Variants in NUTM2D observed in about 807,000 individuals in gnomAD.
The protein encoded by NUTM2D is NUT family member 2A pseudogene.
Under a neutral mutation model 43.5 loss-of-function variants are expected in NUTM2D, and 2 were observed. The ratio of observed to expected loss-of-function variants is 0.05; its 90% CI spans 0.02 to 0.14. The LOEUF (loss-of-function observed/expected upper bound fraction) is 0.14, where lower values mean the gene tolerates loss of function less well. Ranked by LOEUF, NUTM2D falls within the 10% of genes least tolerant of loss-of-function variation. NUTM2D has a pLI of 1.00. For synonymous variants in NUTM2D, 24 were observed against 276.6 expected, an observed-to-expected ratio of 0.09 and a Z score of 9.06; for missense variants, 48 against 668.7, an observed-to-expected ratio of 0.07 and a Z score of 10.24.
downstream of NUTM2D, chr10:87,370,540 T>G (rs1346717109): frequency 6.6e-6 from 1 of 152,210 alleles, no homozygotes; most frequent in African/African-American, 2.4e-5. Context: ...CATTTGTGTT[T>G]CTCTGATGTT....
intron 1 of NUTM2D, among the ~76,000 whole-genome samples, chr10:87,358,824 G>A (rs758200393): frequency 0.069 from 843 of 12,142 alleles, 7 homozygotes; most frequent in East Asian, 0.44. Flanking sequence ...CCTGGAAGGT[G>A]CCCTTCCATA....
At chr10:87,367,292 G>A, downstream of NUTM2D, 7 of 1,606,618 alleles carry the variant, frequency 4.4e-6, 1 homozygote, top group Non-Finnish European at 4.3e-6. Context: ...CCAGGCTCTG[G>A]GAACCCACAG....
chr10:87,369,225 T>G (rs1850331049), downstream of NUTM2D: 1 of 140,106 alleles, frequency 7.1e-6, no homozygotes, highest in South Asian at 2.5e-4. Flanking sequence ...TATTCAGGGT[T>G]AGAAGAGACC....
chr10:87,367,276 C>T (rs928421257), downstream of NUTM2D: 6 of 1,588,286 alleles, frequency 3.8e-6, no homozygotes, highest in South Asian at 3.3e-5. Context: ...GAGGAACTGG[C>T]AGATGCCAGG....
downstream of NUTM2D, chr10:87,367,352 C>A (rs761880369): frequency 1.2e-6 from 2 of 1,608,356 alleles, no homozygotes; most frequent in Non-Finnish European, 1.7e-6. Flanking sequence ...TTCAGATGCT[C>A]CAGGGACTGA....
downstream of NUTM2D, chr10:87,369,342 C>T (rs1209130522): frequency 2.0e-5 from 3 of 152,092 alleles, no homozygotes. Flanking sequence ...CGGCCATCTG[C>T]AAGCCAGAGA....
intron 1 of NUTM2D, among the ~76,000 whole-genome samples, chr10:87,358,644 C>G (rs1589331374): frequency 1.4e-5 from 2 of 142,494 alleles, no homozygotes; most frequent in Non-Finnish European, 3.0e-5. Context: ...GAACAAGATG[C>G]CTGGGGGAAT....
chr10:87,367,267 A>G (rs1388963694), downstream of NUTM2D: 1 of 1,564,200 alleles, frequency 6.4e-7, no homozygotes, highest in Non-Finnish European at 8.8e-7. Flanking sequence ...GGGAGGGCAG[A>G]GGAACTGGCA....
At chr10:87,358,461 G>C in intron 1 of NUTM2D, 30 bp downstream of exon 1, 1 of 1,613,378 alleles carries the variant, frequency 6.2e-7, no homozygotes. Context: ...GGCATTATCT[G>C]AGTCTGCCAT....
downstream of NUTM2D, chr10:87,369,710 A>C (rs1850336336): frequency 6.6e-6 from 1 of 150,652 alleles, no homozygotes; most frequent in Non-Finnish European, 1.5e-5. Flanking sequence ...TGGGGAAGCC[A>C]TGCAGCTTGC....
rs1419400684 is a variant in NUTM2D at position 87,365,664 on chromosome 10, C to G, written c.1519-25C>G. The G allele has an allele frequency of 5.4e-6, 3 of 557,240 alleles. No homozygotes were observed. The South Asian group carries it at 6.2e-5, about 12-fold the overall frequency. The allele number at this position is 557,240 out of a possible 1,614,324, so 34.5% of individuals were successfully genotyped here. A position where few individuals can be genotyped will look rare whatever the true frequency, so the allele number is the denominator to read the frequency against. ...CAGGTTACTCCCTGCCCAGGAAGCTCACGCCTTCTTCCTTCTGTTTCCAGG... is the reference window on the plus strand; with the variant it reads ...CAGGTTACTCCCTGCCCAGGAAGCTGACGCCTTCTTCCTTCTGTTTCCAGG... On this transcript the variant is annotated intron_variant, in intron 5 of 6. Coordinates refer to ENST00000381697, the MANE Select transcript of NUTM2D (RefSeq NM_001382304.1).
At position 87,358,227 on chromosome 10, in the gene NUTM2D, C is replaced by A. The variant is rs1218963425; in HGVS notation, c.-39C>A. ...GAATGTCCCCCACCCCTAACAGCTGCCCACTGCCCCTCCCCCTCTGCAGAA... is the reference window on the plus strand; with the variant it reads ...GAATGTCCCCCACCCCTAACAGCTGACCACTGCCCCTCCCCCTCTGCAGAA... On this transcript the variant is annotated 5_prime_UTR_variant, in exon 1 of 7. It introduces an in-frame stop codon into an upstream open reading frame of the 5' UTR. Coordinates refer to ENST00000381697, the MANE Select transcript of NUTM2D (RefSeq NM_001382304.1). 6.2e-7 allele frequency: 1 copy of A among 1,612,188 alleles called. No homozygotes were observed. The highest frequency in any genetic ancestry group is 1.7e-5 in the Admixed American group (1 of 60,030).
chr10:87,368,162 G>A (rs1380879826), downstream of NUTM2D: 2 of 152,094 alleles, frequency 1.3e-5, no homozygotes, highest in African/African-American at 4.8e-5. Flanking sequence ...TGCATCAGGA[G>A]AGGGACCGAG....
chr10:87,366,500 GAGGGTCTCCTGTC>G lies in NUTM2D; in HGVS notation c.2002_2014del (p.Pro669HisfsTer66), dbSNP rs1204604245. ...ACCAAGGATGCCTTGGATCTCCCTG[GAGGGTCTCCTGTC>G]AGGGAGTCACATGGGCTGGCTCAGG... On this transcript the variant is annotated frameshift_variant, in exon 7 of 7. Coordinates refer to ENST00000381697, the MANE Select transcript of NUTM2D (RefSeq NM_001382304.1). LOFTEE classifies it high-confidence loss of function. The G allele has an allele frequency of 1.4e-6, 1 of 733,614 alleles. No individual in the cohort carries two copies. Among genetic ancestry groups the G allele is most frequent in the Non-Finnish European group, 2.4e-6 (1 of 410,304 alleles). The allele number at this position is 733,614 out of a possible 1,614,324, so 45.4% of individuals were successfully genotyped here. A position where few individuals can be genotyped will look rare whatever the true frequency, so the allele number is the denominator to read the frequency against.
chr10:87,367,307 C>T (rs61858525), downstream of NUTM2D: 462,305 of 1,602,684 alleles, frequency 0.29, 69,132 homozygotes, highest in African/African-American at 0.48. Flanking sequence ...CCACAGAGGC[C>T]GGCCCCACTC....
At chr10:87,367,442 C>G (rs1273770910), downstream of NUTM2D, 15 of 1,534,600 alleles carry the variant, frequency 9.8e-6, no homozygotes, top group Non-Finnish European at 1.3e-5. Flanking sequence ...CTTGGGGCCC[C>G]CTCATCGTTA....
chr10:87,365,808 AC>A lies in NUTM2D; in HGVS notation c.1635+7del. 2.3e-6 allele frequency: 2 copies of A among 860,072 alleles called. No homozygotes were observed. Among genetic ancestry groups the A allele is most frequent in the Non-Finnish European group, 3.8e-6 (2 of 528,676 alleles). 53.3% of individuals were successfully genotyped at this position (860,072 alleles called of 1,614,324 possible). A position where few individuals can be genotyped will look rare whatever the true frequency, so the allele number is the denominator to read the frequency against. ...AGGAAGGACTCACCCTTGCCCAGGTACCCCAGGGGCAGGAGGGACCTGGCAC... is the reference window on the plus strand; with the variant it reads ...AGGAAGGACTCACCCTTGCCCAGGTACCCAGGGGCAGGAGGGACCTGGCAC... On this transcript the variant is annotated splice_donor_region_variant and intron_variant, in intron 6 of 6. Transcript: ENST00000381697.
chr10:87,359,872 A>G (rs1349792915), intron 1 of NUTM2D, among the ~76,000 whole-genome samples: 3 of 152,254 alleles, frequency 2.0e-5, no homozygotes, highest in African/African-American at 7.2e-5. Flanking sequence ...TGGTGCCAGG[A>G]CAATCACTTG....
chr10:87,365,293 A>T, intron 5 of NUTM2D, 90 bp downstream of exon 5: 1 of 1,568,096 alleles, frequency 6.4e-7, no homozygotes, highest in Non-Finnish European at 8.6e-7. Flanking sequence ...TTAGCTACTC[A>T]GCAGTGTGTG....
Sources: allele counts gnomAD v4.1 joint callset (sites outside exome capture counted in the v4.1 genomes callset), GRCh38; gene constraint gnomAD v4.1.1; transcripts MANE v1.5; gene names NCBI Gene and HGNC (gene_info 2026-07-23, HGNC 2026-07-21).